The following KCNB2 variants were observed in gnomAD, a reference collection of about 807,000 sequenced individuals.
KCNB2 encodes the protein delayed rectifier potassium channel protein.
In KCNB2, 15 loss-of-function variants were observed where a neutral mutation model predicts 61.5. The ratio of observed to expected loss-of-function variants is 0.24; its 90% CI spans 0.16 to 0.38. The LOEUF (loss-of-function observed/expected upper bound fraction) is 0.38. KCNB2 is among the 10% of genes least tolerant of loss of function. The pLI is 1.00. For missense variants in KCNB2, 828 were observed against 1,125.2 expected (o/e 0.74, Z 3.78); for synonymous variants, 457 against 446.0 (o/e 1.02, Z -0.31).
chr8:72,839,179 C>T (rs1274137230), intron 2 of KCNB2, among the ~76,000 whole-genome samples: 3 of 152,090 alleles, frequency 2.0e-5, no homozygotes, highest in African/African-American at 4.8e-5. Context: ...TCATGGTGCA[C>T]ATAATATTTT....
intron 2 of KCNB2, among the ~76,000 whole-genome samples, chr8:72,590,811 C>T (rs1807086093): frequency 6.6e-6 from 1 of 152,058 alleles, no homozygotes; most frequent in Admixed American, 6.6e-5. Flanking sequence ...GGGATTCATT[C>T]GATTTCTCAG....
At chr8:72,739,439 A>T (rs1807907474) in intron 2 of KCNB2, among the ~76,000 whole-genome samples, 1 of 152,056 alleles carries the variant, frequency 6.6e-6, no homozygotes, top group South Asian at 2.1e-4. Context: ...AGGGTTAAAG[A>T]CATAGATACA....
At chr8:72,545,020 T>C (rs1435621086) in intron 1 of KCNB2, among the ~76,000 whole-genome samples, 1 of 152,146 alleles carries the variant, frequency 6.6e-6, no homozygotes, top group Non-Finnish European at 1.5e-5. Flanking sequence ...CATATTTCTG[T>C]ATCATGGAAA....
chr8:72,795,453 A>T (rs756185012), intron 2 of KCNB2, among the ~76,000 whole-genome samples: 1 of 152,220 alleles, frequency 6.6e-6, no homozygotes, highest in African/African-American at 2.4e-5. Flanking sequence ...AAGTTGTATA[A>T]TGTGAATGGA....
intron 2 of KCNB2, among the ~76,000 whole-genome samples, chr8:72,754,997 A>G (rs933247776): frequency 1.3e-5 from 2 of 152,178 alleles, no homozygotes; most frequent in African/African-American, 4.8e-5. Context: ...CAAGGCCAAC[A>G]TCAACAGTTG....
intron 2 of KCNB2, among the ~76,000 whole-genome samples, chr8:72,583,905 A>G (rs1314753291): frequency 6.7e-6 from 1 of 148,870 alleles, no homozygotes; most frequent in Non-Finnish European, 1.5e-5. Flanking sequence ...AAAAAATGCT[A>G]TCTTTCATAA....
At chr8:72,885,835 C>T (rs913784335) in intron 2 of KCNB2, among the ~76,000 whole-genome samples, 4 of 152,036 alleles carry the variant, frequency 2.6e-5, no homozygotes, top group African/African-American at 9.7e-5. Flanking sequence ...TTTCTAAATA[C>T]TCATGATTTT....
At chr8:72,671,528 A>G (rs556404865) in intron 2 of KCNB2, among the ~76,000 whole-genome samples, 5 of 152,314 alleles carry the variant, frequency 3.3e-5, no homozygotes, top group African/African-American at 1.2e-4. Context: ...AAAGAGCCTT[A>G]CCACTGAAAT....
At chr8:72,899,025 C>T (rs1001852950) in intron 2 of KCNB2, among the ~76,000 whole-genome samples, 38 of 151,958 alleles carry the variant, frequency 2.5e-4, no homozygotes, top group African/African-American at 8.9e-4. Flanking sequence ...CCACATTTTC[C>T]TTATCCAATC....
intron 2 of KCNB2, among the ~76,000 whole-genome samples, chr8:72,859,153 C>T (rs894262947): frequency 1.2e-4 from 18 of 152,132 alleles, no homozygotes; most frequent in Non-Finnish European, 1.2e-4. Context: ...TGTTTGGTCT[C>T]TCTGGGCCCC....
chr8:72,719,356 A>G (rs1466762987), intron 2 of KCNB2, among the ~76,000 whole-genome samples: 1 of 152,078 alleles, frequency 6.6e-6, no homozygotes, highest in Non-Finnish European at 1.5e-5. Flanking sequence ...AGTCTCTGAA[A>G]CTCAATTTTC....
chr8:72,737,875 T>C (rs984813094), intron 2 of KCNB2, among the ~76,000 whole-genome samples: 3 of 152,098 alleles, frequency 2.0e-5, no homozygotes, highest in African/African-American at 4.8e-5. Flanking sequence ...ATTTCTACTA[T>C]AATTTAGAAA....
rs117264688 is a variant in KCNB2 at position 72,789,806 on chromosome 8, G to A, written c.580-146129G>A. Among the ~76,000 whole-genome samples, 874 of 152,130 alleles carry A rather than the reference G, an allele frequency of 5.7e-3. 2 individuals carry two copies. The highest frequency in any genetic ancestry group is 8.0e-3 in the Non-Finnish European group (544 of 68,004). ...GAAAGTTGCACCATATTAGAAAGAA[G>A]AATACCAGTTCACCACTATAGTAGG... is the stretch of plus-strand genomic sequence containing the variant. On this transcript the variant is annotated intron_variant, in intron 2 of 2. Transcript: ENST00000523207.
At chr8:72,623,384 A>G (rs771007983) in intron 2 of KCNB2, among the ~76,000 whole-genome samples, 4 of 152,124 alleles carry the variant, frequency 2.6e-5, no homozygotes, top group Admixed American at 1.3e-4. Flanking sequence ...TTAGAGGGAG[A>G]TACCTCTGAG....
chr8:72,750,922 C>T (rs1049620432), intron 2 of KCNB2: 10 of 152,026 alleles, frequency 6.6e-5, no homozygotes, highest in Admixed American at 1.3e-4. Flanking sequence ...CAAGTGAAAT[C>T]GAGATATGAT....
intron 2 of KCNB2, among the ~76,000 whole-genome samples, chr8:72,929,748 G>T (rs965897346): frequency 6.6e-6 from 1 of 152,008 alleles, no homozygotes; most frequent in African/African-American, 2.4e-5. Flanking sequence ...GCAGTTAATT[G>T]TTTGGAATCT....
intron 2 of KCNB2, among the ~76,000 whole-genome samples, chr8:72,626,676 C>T (rs144370940): frequency 6.7e-4 from 102 of 152,300 alleles, no homozygotes; most frequent in African/African-American, 2.0e-3. Context: ...AAGACACATA[C>T]GCAAGATCCA....
intron 2 of KCNB2, among the ~76,000 whole-genome samples, chr8:72,766,987 A>C (rs1476985140): frequency 6.6e-6 from 1 of 152,142 alleles, no homozygotes; most frequent in East Asian, 1.9e-4. Flanking sequence ...AGAGAAAAAA[A>C]ATGAGGAAGA....
At chr8:72,814,970 C>A (rs1006503419) in intron 2 of KCNB2, among the ~76,000 whole-genome samples, 3 of 152,104 alleles carry the variant, frequency 2.0e-5, no homozygotes, top group African/African-American at 7.2e-5. Flanking sequence ...AGAAACAAAG[C>A]AGAGCCAAGC....
Sources: allele counts gnomAD v4.1 joint callset (sites outside exome capture counted in the v4.1 genomes callset), GRCh38; gene constraint gnomAD v4.1.1; transcripts MANE v1.5; gene names NCBI Gene and HGNC (gene_info 2026-07-23, HGNC 2026-07-21).